FNIP1: variants seen among roughly 807,000 people sequenced by gnomAD.
The protein encoded by FNIP1 is folliculin-interacting protein 1.
A neutral mutation model predicts 124.5 loss-of-function variants in FNIP1; 40 were observed. That is an observed-to-expected ratio of 0.32 (90% CI 0.25 to 0.42). The LOEUF (loss-of-function observed/expected upper bound fraction) is 0.42, where lower values mean the gene tolerates loss of function less well. FNIP1 is among the 10% of genes least tolerant of loss of function. The probability of loss-of-function intolerance (pLI) is 1.00; values close to 1 mark genes in which losing one functional copy is unlikely to be tolerated. For synonymous variants in FNIP1, 472 were observed against 470.6 expected (o/e 1.00, Z -0.04); for missense variants, 1,176 against 1,403.7 (o/e 0.84, Z 2.59).
At chr5:131,709,135 G>T in intron 8 of FNIP1, 66 bp downstream of exon 8, 3 of 1,295,592 alleles carry the variant, frequency 2.3e-6, no homozygotes, top group Non-Finnish European at 3.4e-6. Flanking sequence ...TAAAGGGAGG[G>T]ATAAAAAAGA....
intron 1 of FNIP1, among the ~76,000 whole-genome samples, chr5:131,748,409 G>A (rs1314722664): frequency 6.6e-6 from 1 of 152,104 alleles, no homozygotes; most frequent in African/African-American, 2.4e-5. Context: ...AAAAGACTAT[G>A]TTGGCCGGGT....
chr5:131,775,620 C>G (rs1028399394), intron 1 of FNIP1, among the ~76,000 whole-genome samples: 1 of 151,118 alleles, frequency 6.6e-6, no homozygotes, highest in Non-Finnish European at 1.5e-5. Flanking sequence ...CTCTGCCCCC[C>G]GGGTTCAAGC....
intron 15 of FNIP1, among the ~76,000 whole-genome samples, chr5:131,665,088 C>A (rs1312836437): frequency 6.6e-6 from 1 of 151,890 alleles, no homozygotes; most frequent in East Asian, 1.9e-4. Context: ...ATAATCATAA[C>A]AAGAAGATGC....
intron 3 of FNIP1, among the ~76,000 whole-genome samples, chr5:131,721,176 G>A (rs538977693): frequency 1.3e-5 from 2 of 152,180 alleles, no homozygotes; most frequent in East Asian, 1.9e-4. Context: ...TCTGCAACAC[G>A]CAACACGGAT....
chr5:131,691,511 A>T (rs991118743), intron 11 of FNIP1, among the ~76,000 whole-genome samples: 1 of 152,208 alleles, frequency 6.6e-6, no homozygotes, highest in Non-Finnish European at 1.5e-5. Flanking sequence ...GTAATTGAAC[A>T]GAAAATAGAG....
At chr5:131,653,469 G>T (rs1482618759) in intron 15 of FNIP1, among the ~76,000 whole-genome samples, 1 of 151,900 alleles carries the variant, frequency 6.6e-6, no homozygotes, top group African/African-American at 2.4e-5. Context: ...AACCCGGGAG[G>T]CAGAGGTTGC....
intron 15 of FNIP1, among the ~76,000 whole-genome samples, chr5:131,653,101 G>T (rs920596365): frequency 2.0e-5 from 3 of 152,174 alleles, no homozygotes; most frequent in Admixed American, 1.3e-4. Context: ...ATTCCTTGAT[G>T]TCATGAAGTG....
intron 12 of FNIP1, among the ~76,000 whole-genome samples, chr5:131,678,247 C>G (rs547998709): frequency 6.6e-6 from 1 of 151,994 alleles, no homozygotes; most frequent in Admixed American, 6.5e-5. Flanking sequence ...AATGGGAAAA[C>G]GAGGCAAAGT....
At chr5:131,683,552 CA>C (rs1184433193) in intron 11 of FNIP1, among the ~76,000 whole-genome samples, 2,405 of 53,030 alleles carry the variant, frequency 0.045, 38 homozygotes, top group African/African-American at 0.14. Context: ...GACTCCGTCT[CA>C]AAAAAAAAAA....
At chr5:131,677,225 C>T (rs1464554783) in intron 13 of FNIP1, among the ~76,000 whole-genome samples, 1 of 152,194 alleles carries the variant, frequency 6.6e-6, no homozygotes, top group Admixed American at 6.5e-5. Context: ...AACTTATCAA[C>T]CATCTACTCT....
At chr5:131,767,445 A>G (rs1173704280) in intron 1 of FNIP1, among the ~76,000 whole-genome samples, 2 of 150,662 alleles carry the variant, frequency 1.3e-5, no homozygotes, top group South Asian at 2.1e-4. Flanking sequence ...AAAAAAAAAA[A>G]AAAAAAAAAA....
Position 131,719,360 on chromosome 5 carries a change from C to T in FNIP1, c.412G>A (p.Ala138Thr). ...MLGEMMFGSV[A>T]MSYKGSTLKI... ...AAGGTGGATCCTTTGTAGCTCATTG[C>T]TACTGAGCCAAACATCATCTCTCCA... Residue 138 changes from alanine (A) to threonine (T), a missense_variant, in exon 4 of 18, where the codon GCA (alanine) becomes ACA (threonine). This residue lies in a region of FNIP1 where 1,109 missense variants were observed against 1,288.5 expected (regional missense o/e 0.86). Coordinates refer to ENST00000510461, the MANE Select transcript of FNIP1 (RefSeq NM_133372.3). 6.2e-7 allele frequency: 1 copy of T among 1,613,590 alleles called. No individual in the cohort carries two copies. The highest frequency in any genetic ancestry group is 8.5e-7 in the Non-Finnish European group (1 of 1,179,844).
intron 17 of FNIP1, 135 bp downstream of exon 17, chr5:131,646,955 G>A: frequency 1.4e-6 from 1 of 708,776 alleles, no homozygotes; most frequent in South Asian, 1.8e-5. Flanking sequence ...ATGGTACAGG[G>A]CAACCTAAAT....
intron 15 of FNIP1, among the ~76,000 whole-genome samples, chr5:131,666,586 C>G (rs1227966441): frequency 6.6e-6 from 1 of 152,104 alleles, no homozygotes; most frequent in Non-Finnish European, 1.5e-5. Flanking sequence ...TCTAGTTTTG[C>G]CATTCCCCAT....
intron 16 of FNIP1, 143 bp downstream of exon 16, chr5:131,651,659 T>C (rs1767043279): frequency 1.4e-6 from 1 of 733,542 alleles, no homozygotes; most frequent in Non-Finnish European, 2.2e-6. Flanking sequence ...CCAAATACTG[T>C]CACACTGGGA....
chr5:131,669,162 A>T lies in FNIP1; in HGVS notation c.3108+1301T>A, dbSNP rs185568409. ...AAATTACCAAAATGGACTCAGAAACAAATAGAAAATCTAAATGTATAAAAG... is the reference window on the plus strand; with the variant it reads ...AAATTACCAAAATGGACTCAGAAACTAATAGAAAATCTAAATGTATAAAAG... On this transcript the variant is annotated intron_variant, in intron 15 of 17. Transcript: ENST00000510461. Among the ~76,000 whole-genome samples, 18 of 152,346 alleles carry T rather than the reference A, an allele frequency of 1.2e-4. No individual in the cohort carries two copies. The East Asian group carries it at 3.5e-3, about 29-fold the overall frequency.
chr5:131,663,705 T>C (rs1340782942), intron 15 of FNIP1, among the ~76,000 whole-genome samples: 1 of 152,206 alleles, frequency 6.6e-6, no homozygotes. Flanking sequence ...TGGAGACATA[T>C]GGAGTTAGGC....
chr5:131,793,376 T>C (rs575221991), intron 1 of FNIP1, among the ~76,000 whole-genome samples: 1 of 152,330 alleles, frequency 6.6e-6, no homozygotes, highest in African/African-American at 2.4e-5. Context: ...ATTGGGCTTA[T>C]ACTTTTTACT....
chr5:131,673,051 G>GTT (rs368626411), intron 13 of FNIP1, 127 bp from the exon 14 acceptor site: 2,149 of 475,424 alleles, frequency 4.5e-3, no homozygotes, highest in South Asian at 7.1e-3. Flanking sequence ...TCGTTTTTTT[G>GTT]TTTTTTTTTT....
Sources: gnomAD v4.1 joint callset for allele counts (sites outside exome capture counted in the v4.1 genomes callset) on GRCh38, gnomAD v4.1.1 for gene constraint, gnomAD v4.1.1 regional missense constraint, MANE v1.5 for transcripts, NCBI Gene and HGNC (gene_info 2026-07-23, HGNC 2026-07-21) for gene names.